The following CCDC148 variants were observed in gnomAD, a reference collection of about 807,000 sequenced individuals.
CCDC148 encodes coiled-coil domain-containing protein 148.
CCDC148 carries 89 observed loss-of-function variants against 85.7 expected under a neutral mutation model. The ratio of observed to expected loss-of-function variants is 1.04; its 90% CI spans 0.87 to 1.24. The LOEUF is 1.24. Among genes scored for constraint, CCDC148 ranks in the 50% most tolerant of loss-of-function variants. The probability of loss-of-function intolerance (pLI) is 0.00; values close to 1 mark genes in which losing one functional copy is unlikely to be tolerated. For missense variants in CCDC148, 692 were observed against 671.7 expected (o/e 1.03, Z -0.33); for synonymous variants, 230 against 213.9 (o/e 1.08, Z -0.66).
At chr2:158,326,044 A>G (rs1020798231) in intron 7 of CCDC148, among the ~76,000 whole-genome samples, 3 of 152,118 alleles carry the variant, frequency 2.0e-5, no homozygotes, top group Non-Finnish European at 2.9e-5. Flanking sequence ...ACAGCTTCTC[A>G]TATCACACAG....
rs952707807 is a variant in CCDC148 at position 158,207,630 on chromosome 2, T to C, written c.1370+12965A>G. 12 of 152,258 alleles carry C rather than the reference T, an allele frequency of 7.9e-5. No homozygotes were observed. In the East Asian group the frequency reaches 2.1e-3, roughly 27 times the overall value. 9.4% of individuals were successfully genotyped at this position (152,258 alleles called of 1,614,324 possible). ...GACAGAAAAGAAGGTACAGTGTTGGTTGGAACAATAGACCTATCAATGGGA... is the reference window on the plus strand; with the variant it reads ...GACAGAAAAGAAGGTACAGTGTTGGCTGGAACAATAGACCTATCAATGGGA... On this transcript the variant is annotated intron_variant, in intron 11 of 13. Transcript: ENST00000283233.
intron 13 of CCDC148, 39 bp from the exon 14 acceptor site, chr2:158,172,298 G>A (rs1684355008): frequency 6.9e-7 from 1 of 1,447,730 alleles, no homozygotes; most frequent in East Asian, 2.4e-5. Context: ...ACAATTCATT[G>A]AACTAAAATA....
Position 158,224,599 on chromosome 2 carries a change from T to G in CCDC148, c.1252-3886A>C, listed in dbSNP as rs1442651197. On this transcript the variant is annotated intron_variant, in intron 10 of 13. Coordinates refer to ENST00000283233, the MANE Select transcript of CCDC148 (RefSeq NM_138803.4). Reference sequence around the variant, plus strand: ...AAGGGAAGCCCATAAGACTAACAGCTGATCTCCTGGCTGAAACTCTCAAGC... The same window carrying G: ...AAGGGAAGCCCATAAGACTAACAGCGGATCTCCTGGCTGAAACTCTCAAGC... Among the ~76,000 whole-genome samples, 6 of 152,294 alleles carry G rather than the reference T, an allele frequency of 3.9e-5. 1 individual carries two copies. The Middle Eastern group carries it at 0.01, about 259-fold the overall frequency.
At chr2:158,411,794 A>G (rs948089357) in intron 1 of CCDC148, among the ~76,000 whole-genome samples, 1 of 151,990 alleles carries the variant, frequency 6.6e-6, no homozygotes, top group Non-Finnish European at 1.5e-5. Context: ...GTGCATTTGA[A>G]GGAGTTATTT....
intron 1 of CCDC148, among the ~76,000 whole-genome samples, chr2:158,402,385 C>T (rs1685820135): frequency 6.7e-6 from 1 of 149,178 alleles, no homozygotes; most frequent in Admixed American, 6.7e-5. Flanking sequence ...GTTGCTTGTT[C>T]TTTGTTCGTA....
At chr2:158,423,635 C>T (rs1686918919) in intron 1 of CCDC148, among the ~76,000 whole-genome samples, 1 of 152,146 alleles carries the variant, frequency 6.6e-6, no homozygotes, top group South Asian at 2.1e-4. Flanking sequence ...CTAGGCAATA[C>T]CATTCAGGAC....
intron 9 of CCDC148, among the ~76,000 whole-genome samples, chr2:158,251,924 C>A (rs537966687): frequency 1.3e-5 from 2 of 151,774 alleles, no homozygotes; most frequent in South Asian, 4.1e-4. Context: ...ATTCTTTAAA[C>A]CTTTCTGTGC....
chr2:158,281,962 G>A (rs1369211299), intron 9 of CCDC148, among the ~76,000 whole-genome samples: 1 of 151,896 alleles, frequency 6.6e-6, no homozygotes, highest in African/African-American at 2.4e-5. Context: ...GGGATGCAAG[G>A]CTGGTTCAAT....
intron 10 of CCDC148, among the ~76,000 whole-genome samples, chr2:158,248,594 T>C (rs1199632897): frequency 1.3e-5 from 2 of 152,128 alleles, no homozygotes; most frequent in African/African-American, 4.8e-5. Flanking sequence ...TATGTTTTAC[T>C]ATAAAGTACA....
chr2:158,402,094 A>C (rs1008466491), intron 1 of CCDC148, among the ~76,000 whole-genome samples: 3 of 152,022 alleles, frequency 2.0e-5, no homozygotes, highest in African/African-American at 7.2e-5. Flanking sequence ...ACTATAACTA[A>C]CATCTGTCTT....
chr2:158,231,977 C>G (rs1460392045), intron 10 of CCDC148, among the ~76,000 whole-genome samples: 1 of 152,136 alleles, frequency 6.6e-6, no homozygotes, highest in Non-Finnish European at 1.5e-5. Context: ...TTAACTAGTC[C>G]TTTGGGACAT....
chr2:158,445,093 G>T (rs1194489669), intron 1 of CCDC148, among the ~76,000 whole-genome samples: 1 of 151,944 alleles, frequency 6.6e-6, no homozygotes, highest in African/African-American at 2.4e-5. Context: ...GGTTAATAAT[G>T]TTTGTGAGAA....
intron 1 of CCDC148, among the ~76,000 whole-genome samples, chr2:158,450,206 C>T (rs1438102168): frequency 6.6e-6 from 1 of 152,186 alleles, no homozygotes; most frequent in African/African-American, 2.4e-5. Context: ...TTCATTTTCT[C>T]TCTGCTACTG....
At chr2:158,278,423 T>C (rs779037699) in intron 9 of CCDC148, among the ~76,000 whole-genome samples, 1 of 152,174 alleles carries the variant, frequency 6.6e-6, no homozygotes, top group Admixed American at 6.5e-5. Flanking sequence ...ACTCCCACCC[T>C]AATACCGCAC....
At chr2:158,434,566 C>T (rs1687544848) in intron 1 of CCDC148, among the ~76,000 whole-genome samples, 1 of 152,214 alleles carries the variant, frequency 6.6e-6, no homozygotes, top group Non-Finnish European at 1.5e-5. Context: ...AGTGCCTCTT[C>T]TCCTCCAAAG....
At chr2:158,181,976 G>C (rs1022370385) in intron 11 of CCDC148, among the ~76,000 whole-genome samples, 2 of 151,794 alleles carry the variant, frequency 1.3e-5, no homozygotes, top group African/African-American at 4.8e-5. Context: ...GGAAAAGATA[G>C]GGATTTAAAG....
intron 7 of CCDC148, 158 bp downstream of exon 7, chr2:158,338,568 T>A: frequency 3.6e-6 from 2 of 557,744 alleles, no homozygotes; most frequent in East Asian, 6.6e-5. Flanking sequence ...TTTGAAAAAA[T>A]AAAACCCTCT....
chr2:158,355,299 G>A (rs867735929), intron 2 of CCDC148, among the ~76,000 whole-genome samples: 1 of 151,970 alleles, frequency 6.6e-6, no homozygotes, highest in African/African-American at 2.4e-5. Context: ...GTCCCTGTTT[G>A]CAGACGACAT....
intron 7 of CCDC148, among the ~76,000 whole-genome samples, chr2:158,336,033 T>A (rs1213140417): frequency 2.0e-5 from 3 of 152,184 alleles, no homozygotes; most frequent in Non-Finnish European, 4.4e-5. Context: ...CCTGGATATT[T>A]CAACTTTCAT....
Sources: gnomAD v4.1 joint callset for allele counts (sites outside exome capture counted in the v4.1 genomes callset) on GRCh38, gnomAD v4.1.1 for gene constraint, MANE v1.5 for transcripts, NCBI Gene and HGNC (gene_info 2026-07-23, HGNC 2026-07-21) for gene names.